The following CDH10 variants were observed in gnomAD, a reference collection of about 807,000 sequenced individuals.
The protein encoded by CDH10 is cadherin-10.
A neutral mutation model predicts 73.1 loss-of-function variants in CDH10; 30 were observed. That is an observed-to-expected ratio of 0.41 (90% CI 0.31 to 0.56). The LOEUF (loss-of-function observed/expected upper bound fraction) is 0.56, where lower values mean the gene tolerates loss of function less well. CDH10 is among the 20% of genes least tolerant of loss of function. The pLI is 0.27. For synonymous variants in CDH10, 345 were observed against 348.2 expected, an observed-to-expected ratio of 0.99 and a Z score of 0.10; for missense variants, 815 against 973.7, an observed-to-expected ratio of 0.84 and a Z score of 2.17.
intron 2 of CDH10, among the ~76,000 whole-genome samples, chr5:24,551,412 TA>T (rs1744540258): frequency 6.6e-6 from 1 of 152,172 alleles, no homozygotes; most frequent in South Asian, 2.1e-4. Flanking sequence ...AAGTTTGAGG[TA>T]TTTTTTTAAC....
chr5:24,586,743 T>C (rs868592112), intron 2 of CDH10, among the ~76,000 whole-genome samples: 2 of 150,044 alleles, frequency 1.3e-5, no homozygotes, highest in South Asian at 2.1e-4. Flanking sequence ...TTGCATCCAG[T>C]CTATGTTAAC....
intron 2 of CDH10, among the ~76,000 whole-genome samples, chr5:24,569,955 G>A (rs1188862941): frequency 2.0e-5 from 3 of 151,778 alleles, no homozygotes; most frequent in African/African-American, 7.3e-5. Flanking sequence ...TAGTAGAGAC[G>A]GGGTTTCACC....
At position 24,528,122 on chromosome 5, in the gene CDH10, C is replaced by T. The variant is rs145349717; in HGVS notation, c.814+6990G>A. 3.4e-4 allele frequency among the ~76,000 whole-genome samples: 52 copies of T among 151,898 alleles called. 1 individual carries two copies. The East Asian group carries it at 6.0e-3, about 18-fold the overall frequency. The stretch of plus-strand genomic sequence containing the variant: ...ATTGGGAACATGAGGGAAAATCTGA[C>T]AGAAGTTGAGGATATTTTGGTGGTC... On this transcript the variant is annotated intron_variant, in intron 5 of 11. Coordinates refer to ENST00000264463, the MANE Select transcript of CDH10 (RefSeq NM_006727.5).
intron 5 of CDH10, among the ~76,000 whole-genome samples, chr5:24,532,259 AATAAT>A (rs1161068419): frequency 1.3e-5 from 2 of 152,086 alleles, no homozygotes; most frequent in Non-Finnish European, 2.9e-5. Flanking sequence ...ACTGAATAAT[AATAAT>A]AATAATGGTA....
chr5:24,540,219 GT>G, intron 2 of CDH10, among the ~76,000 whole-genome samples: 1 of 151,968 alleles, frequency 6.6e-6, no homozygotes, highest in South Asian at 2.1e-4. Flanking sequence ...AGGAGTAGAG[GT>G]TTGAACCTGG....
At chr5:24,625,433 C>G (rs1277526889) in intron 1 of CDH10, among the ~76,000 whole-genome samples, 2 of 151,600 alleles carry the variant, frequency 1.3e-5, no homozygotes, top group African/African-American at 4.8e-5. Context: ...ACCATTATAG[C>G]AATGTGATTA....
At chr5:24,520,100 T>G (rs1471889818) in intron 5 of CDH10, among the ~76,000 whole-genome samples, 2 of 152,210 alleles carry the variant, frequency 1.3e-5, no homozygotes, top group Non-Finnish European at 2.9e-5. Context: ...CATTTTAAAC[T>G]ATTTTCTCTA....
At chr5:24,521,569 G>A (rs965636068) in intron 5 of CDH10, among the ~76,000 whole-genome samples, 3 of 151,784 alleles carry the variant, frequency 2.0e-5, no homozygotes, top group African/African-American at 7.3e-5. Context: ...CTGAGATAGT[G>A]CCATTGCACT....
intron 2 of CDH10, among the ~76,000 whole-genome samples, chr5:24,581,463 T>C (rs568719832): frequency 6.6e-6 from 1 of 152,290 alleles, no homozygotes; most frequent in African/African-American, 2.4e-5. Context: ...TGCACTTACA[T>C]TTGTAACAAC....
intron 2 of CDH10, among the ~76,000 whole-genome samples, chr5:24,546,860 C>T (rs1744361488): frequency 1.3e-5 from 2 of 151,886 alleles, no homozygotes; most frequent in South Asian, 4.2e-4. Context: ...AGAAAATGGA[C>T]ATCAGAGCCA....
chr5:24,643,439 G>A (rs567794968), intron 1 of CDH10, among the ~76,000 whole-genome samples: 1 of 151,998 alleles, frequency 6.6e-6, no homozygotes, highest in Non-Finnish European at 1.5e-5. Context: ...GAGGGGGATG[G>A]TATGGAGGGA....
At chr5:24,625,341 T>C (rs572485549) in intron 1 of CDH10, among the ~76,000 whole-genome samples, 2 of 152,008 alleles carry the variant, frequency 1.3e-5, no homozygotes, top group East Asian at 1.9e-4. Flanking sequence ...AAAAGCCAGA[T>C]GTCTTAGTAA....
chr5:24,503,196 G>A (rs890297935), intron 8 of CDH10, among the ~76,000 whole-genome samples: 2 of 152,102 alleles, frequency 1.3e-5, no homozygotes, highest in African/African-American at 4.8e-5. Context: ...AGCCTGTAGT[G>A]GTTACTTCAA....
chr5:24,644,116 T>A (rs1345534389), intron 1 of CDH10, among the ~76,000 whole-genome samples: 3 of 152,150 alleles, frequency 2.0e-5, no homozygotes. Flanking sequence ...CATTTCTGTT[T>A]ATATTGAACG....
chr5:24,545,478 G>C (rs1431953126), intron 2 of CDH10, among the ~76,000 whole-genome samples: 1 of 152,128 alleles, frequency 6.6e-6, no homozygotes, highest in Non-Finnish European at 1.5e-5. Context: ...CATAATGACA[G>C]AGAATTTTAA....
intron 2 of CDH10, among the ~76,000 whole-genome samples, chr5:24,585,045 G>A (rs140942978): frequency 0.017 from 2,548 of 151,644 alleles, 30 homozygotes; most frequent in African/African-American, 0.032. Context: ...ACAGTGTTTT[G>A]CCATGTTGCC....
Position 24,491,558 on chromosome 5 carries a change from G to C in CDH10, c.1876+18C>G, listed in dbSNP as rs77809987. The C allele has an allele frequency of 1.6e-5, 26 of 1,592,890 alleles. No individual in the cohort carries two copies. The East Asian group carries it at 5.9e-4, about 36-fold the overall frequency. ...AAAGAGCCTAGAAAATGCTCCCATT[G>C]TTTTTAAGGTTTCTTACCCAGTAGA... On this transcript the variant is annotated intron_variant, in intron 11 of 11. Coordinates refer to ENST00000264463, the MANE Select transcript of CDH10 (RefSeq NM_006727.5).
chr5:24,515,215 A>C (rs1743063372), intron 5 of CDH10, among the ~76,000 whole-genome samples: 1 of 152,188 alleles, frequency 6.6e-6, no homozygotes, highest in African/African-American at 2.4e-5. Context: ...TCCTAAAAAT[A>C]ATTAAAAATA....
At chr5:24,548,289 C>T (rs1199271539) in intron 2 of CDH10, among the ~76,000 whole-genome samples, 5 of 151,782 alleles carry the variant, frequency 3.3e-5, no homozygotes, top group Admixed American at 6.6e-5. Flanking sequence ...CACCATGCCC[C>T]ATGTATTTTT....
Sources: gnomAD v4.1 joint callset for allele counts (sites outside exome capture counted in the v4.1 genomes callset) on GRCh38, gnomAD v4.1.1 for gene constraint, MANE v1.5 for transcripts, NCBI Gene and HGNC (gene_info 2026-07-23, HGNC 2026-07-21) for gene names.